The following PALM2AKAP2 variants were observed in gnomAD, a reference collection of about 807,000 sequenced individuals.
PALM2AKAP2 encodes the protein PALM2 and AKAP2 fusion, also known as PALM2-AKAP2 fusion protein.
A neutral mutation model predicts 71.5 loss-of-function variants in PALM2AKAP2; 37 were observed. The ratio of observed to expected loss-of-function variants is 0.52; its 90% CI spans 0.40 to 0.68. The LOEUF is 0.68. Ranked by LOEUF, PALM2AKAP2 falls within the 30% of genes least tolerant of loss-of-function variation. PALM2AKAP2 has a pLI of 0.00. For synonymous variants in PALM2AKAP2, 468 were observed against 478.8 expected (o/e 0.98, Z 0.29); for missense variants, 1,224 against 1,191.8 (o/e 1.03, Z -0.40).
At chr9:109,754,490 G>A (rs145384441) in intron 1 of PALM2AKAP2, among the ~76,000 whole-genome samples, 84 of 152,250 alleles carry the variant, frequency 5.5e-4, no homozygotes, top group African/African-American at 1.9e-3. Flanking sequence ...AGTGTTCTAT[G>A]GCAGATCTCT....
At chr9:109,723,043 C>T (rs572718301) in intron 1 of PALM2AKAP2, among the ~76,000 whole-genome samples, 1 of 152,304 alleles carries the variant, frequency 6.6e-6, no homozygotes, top group Admixed American at 6.5e-5. Context: ...ACTGTGCCTG[C>T]AGCTGCAGGC....
intron 3 of PALM2AKAP2, among the ~76,000 whole-genome samples, chr9:109,898,232 C>G (rs530899154): frequency 6.6e-6 from 1 of 152,324 alleles, no homozygotes; most frequent in East Asian, 1.9e-4. Context: ...TTGTACTCTG[C>G]GCACCTGCCC....
intron 3 of PALM2AKAP2, among the ~76,000 whole-genome samples, chr9:109,903,064 C>T (rs1001950317): frequency 2.6e-5 from 4 of 152,124 alleles, no homozygotes; most frequent in Non-Finnish European, 5.9e-5. Flanking sequence ...CCAGATATCA[C>T]TCCTGGCCCA....
intron 1 of PALM2AKAP2, among the ~76,000 whole-genome samples, chr9:109,843,065 G>T (rs1587952648): frequency 1.3e-5 from 2 of 150,108 alleles, no homozygotes; most frequent in Non-Finnish European, 1.5e-5. Context: ...GCTTGAACCC[G>T]GGAGGTGGAG....
chr9:109,732,846 CA>C (rs1191695971), intron 1 of PALM2AKAP2, among the ~76,000 whole-genome samples: 1 of 152,068 alleles, frequency 6.6e-6, no homozygotes, highest in Non-Finnish European at 1.5e-5. Context: ...GCAAGTTGTG[CA>C]AAATTCAGTG....
chr9:110,003,017 G>A lies in PALM2AKAP2; in HGVS notation c.497-12937G>A, dbSNP rs183235384. Among the ~76,000 whole-genome samples, 1,430 of 152,206 alleles carry A rather than the reference G, an allele frequency of 9.4e-3. 23 individuals carry two copies. The highest frequency in any genetic ancestry group is 0.033 in the African/African-American group (1,380 of 41,524). On this transcript the variant is annotated intron_variant, in intron 6 of 9. Coordinates refer to the PALM2AKAP2 transcript ENST00000302798. ...TCATTGATTTTTTGAAGGGTTTTTT[G>A]TGTCTCTATATCCTTCAGTTCTGCT...
intron 6 of PALM2AKAP2, among the ~76,000 whole-genome samples, chr9:109,993,929 A>T (rs1023780189): frequency 1.3e-5 from 2 of 151,228 alleles, no homozygotes; most frequent in Non-Finnish European, 2.9e-5. Context: ...TAGGCAGCTC[A>T]GCCTCTCTCT....
chr9:110,109,319 A>C (rs1410055453), intron 1 of PALM2AKAP2, among the ~76,000 whole-genome samples: 1 of 33,966 alleles, frequency 2.9e-5, no homozygotes, highest in African/African-American at 1.3e-4. Context: ...CTTTGTCTCC[A>C]AAAAAAAAAA....
chr9:110,137,478 A>G, exon 2 of PALM2AKAP2: 1 of 1,614,120 alleles, frequency 6.2e-7, no homozygotes, highest in Non-Finnish European at 8.5e-7. Context: ...TCTCAGGGGA[A>G]GGAAGGGCCC....
intron 6 of PALM2AKAP2, among the ~76,000 whole-genome samples, chr9:109,986,551 T>C (rs913823290): frequency 6.6e-6 from 1 of 152,276 alleles, no homozygotes; most frequent in Non-Finnish European, 1.5e-5. Context: ...TTTTCAGTGC[T>C]ACGGCTTCTC....
chr9:109,661,066 C>A (rs912378895), intron 1 of PALM2AKAP2, among the ~76,000 whole-genome samples: 2 of 152,104 alleles, frequency 1.3e-5, no homozygotes, highest in Admixed American at 1.3e-4. Context: ...GATATTAGCC[C>A]TTTGTCAGAT....
chr9:109,949,406 G>A (rs889713959), intron 6 of PALM2AKAP2, among the ~76,000 whole-genome samples: 2 of 152,196 alleles, frequency 1.3e-5, no homozygotes, highest in Non-Finnish European at 2.9e-5. Flanking sequence ...CGTTATAGTC[G>A]AAGATGAGTA....
intron 6 of PALM2AKAP2, among the ~76,000 whole-genome samples, chr9:109,940,611 G>T (rs950010901): frequency 6.6e-6 from 1 of 152,096 alleles, no homozygotes; most frequent in Non-Finnish European, 1.5e-5. Flanking sequence ...AAGAGGTAGG[G>T]ACTCAAGACA....
chr9:109,734,590 G>T (rs1156854693), intron 1 of PALM2AKAP2, among the ~76,000 whole-genome samples: 9 of 152,186 alleles, frequency 5.9e-5, no homozygotes, highest in African/African-American at 2.2e-4. Context: ...AATTTTAATA[G>T]TTGGAGTCAA....
intron 1 of PALM2AKAP2, among the ~76,000 whole-genome samples, chr9:109,746,367 C>A (rs925389934): frequency 6.6e-6 from 1 of 152,196 alleles, no homozygotes; most frequent in African/African-American, 2.4e-5. Flanking sequence ...GGGGGAATGT[C>A]TTTCCCATTA....
chr9:109,945,700 T>G (rs888632099), intron 6 of PALM2AKAP2: 4 of 152,210 alleles, frequency 2.6e-5, no homozygotes, highest in Admixed American at 2.6e-4. Flanking sequence ...TTAAGCACAG[T>G]TAGTGAGTGA....
At chr9:110,080,347 G>A (rs1229195122) in intron 1 of PALM2AKAP2, among the ~76,000 whole-genome samples, 1 of 152,126 alleles carries the variant, frequency 6.6e-6, no homozygotes, top group Non-Finnish European at 1.5e-5. Flanking sequence ...TTGCCTAAGA[G>A]AAAGAGAACT....
chr9:109,869,058 T>G (rs1829533953), intron 2 of PALM2AKAP2, among the ~76,000 whole-genome samples: 1 of 152,236 alleles, frequency 6.6e-6, no homozygotes, highest in Admixed American at 6.5e-5. Flanking sequence ...AATTTCTGGT[T>G]AAAGGTGAAC....
chr9:109,905,599 G>A (rs911379308), intron 3 of PALM2AKAP2, among the ~76,000 whole-genome samples: 1 of 152,226 alleles, frequency 6.6e-6, no homozygotes, highest in East Asian at 1.9e-4. Flanking sequence ...CAGCCATACA[G>A]GAGAAAAGTT....
Sources: gnomAD v4.1 joint callset for allele counts (sites outside exome capture counted in the v4.1 genomes callset) on GRCh38, gnomAD v4.1.1 for gene constraint, MANE v1.5 for transcripts, NCBI Gene and HGNC (gene_info 2026-07-23, HGNC 2026-07-21) for gene names.